Variants in HLA-DRA observed in about 807,000 individuals in gnomAD.
The protein encoded by HLA-DRA is major histocompatibility complex, class II, DR alpha, also known as HLA class II histocompatibility antigen, DR alpha chain.
HLA-DRA carries 8 observed loss-of-function variants against 22.1 expected under a neutral mutation model. The ratio of observed to expected loss-of-function variants is 0.36; its 90% CI spans 0.21 to 0.65. The LOEUF (loss-of-function observed/expected upper bound fraction) is 0.65. Ranked by LOEUF, HLA-DRA falls within the 30% of genes least tolerant of loss-of-function variation. The pLI, the probability that HLA-DRA is intolerant of heterozygous loss-of-function variation, is 0.63. For missense variants in HLA-DRA, 248 were observed against 321.3 expected, an observed-to-expected ratio of 0.77 and a Z score of 1.74; for synonymous variants, 101 against 117.1, an observed-to-expected ratio of 0.86 and a Z score of 0.89.
chr6:32,442,772 T>G, intron 2 of HLA-DRA, 79 bp downstream of exon 2: 1 of 1,542,938 alleles, frequency 6.5e-7, no homozygotes, highest in Non-Finnish European at 8.8e-7. Context: ...TGTGTTAGAT[T>G]ATTGTAACTG....
chr6:32,442,589 G>A lies in HLA-DRA; in HGVS notation c.224G>A (p.Arg75Gln), dbSNP rs1762688265. 6.2e-6 allele frequency: 10 copies of A among 1,612,938 alleles called. No individual in the cohort carries two copies. Among genetic ancestry groups the A allele is most frequent in the African/African-American group, 1.3e-5 (1 of 74,908 alleles). The change falls in exon 2 of 5, where the codon CGA (arginine) becomes CAA (glutamine). Residue 75 changes from arginine (R) to glutamine (Q), a missense_variant. Physicochemically the swap from Arg to Gln is conservative, Grantham distance 43. Transcript: ENST00000395388. ...ETVWRLEEFG[R>Q]FASFEAQGAL... is the part of the protein sequence containing the mutation. ...GTCTGGCGGCTTGAAGAATTTGGAC[G>A]ATTTGCCAGCTTTGAGGCTCAAGGT...
rs1369622761 is a variant in HLA-DRA, at chr6:32,443,904, T to C, written c.759T>C (p.Pro253=). The change falls in exon 4 of 5, where the codon CCT becomes CCC. Residue 253 remains proline, a synonymous_variant. Coordinates refer to ENST00000395388, the MANE Select transcript of HLA-DRA (RefSeq NM_019111.5). ...RKSNAAERRG[P]L is the part of the protein sequence containing the mutation. ...GCAATGCAGCAGAACGCAGGGGGCC[T>C]CTGTAAGGCACATGGAGGTGAGTTA... is the stretch of plus-strand genomic sequence containing the variant. The C allele has an allele frequency of 6.3e-7, 1 of 1,595,132 alleles. No homozygotes were observed. Among genetic ancestry groups the C allele is most frequent in the South Asian group, 1.1e-5 (1 of 86,960 alleles).
chr6:32,443,940 G>A lies in HLA-DRA; in HGVS notation c.*11+19G>A. ...CATGGAGGTGAGTTAGGTGTGGTCA[G>A]AGGAAGACGTATATGGAGATATCTG... On this transcript the variant is annotated intron_variant, in intron 4 of 4. Transcript: ENST00000395388. The A allele has an allele frequency of 6.5e-7, 1 of 1,537,818 alleles. No homozygotes were observed. Among genetic ancestry groups the A allele is most frequent in the Non-Finnish European group, 8.7e-7 (1 of 1,143,334 alleles).
rs1762770718 is a variant in HLA-DRA at position 32,443,818 on chromosome 6, A to C, written c.673A>C (p.Thr225Pro). ...TENVVCALGL[T>P]VGLVGIIIGT... The stretch of plus-strand genomic sequence containing the variant: ...GAACGTGGTGTGTGCCCTGGGCCTG[A>C]CTGTGGGTCTGGTGGGCATCATTAT... The change falls in exon 4 of 5, where the codon ACT becomes CCT. Residue 225 changes from threonine (T) to proline (P), a missense_variant. Thr to Pro is a conservative substitution (Grantham distance 38, BLOSUM62 -1). Coordinates refer to ENST00000395388, the MANE Select transcript of HLA-DRA (RefSeq NM_019111.5). The C allele has an allele frequency of 6.2e-7, 1 of 1,612,110 alleles. No individual in the cohort carries two copies. The highest frequency in any genetic ancestry group is 1.3e-5 in the African/African-American group (1 of 74,862).
At position 32,444,863 on chromosome 6, in the gene HLA-DRA, C is replaced by T. The variant is rs1276625760; in HGVS notation, c.*223C>T. ...CCCTGTCTATTGCCTTTTCCTGTAT[C>T]TATTTTCCTCTATTTCCTATCATTT... On this transcript the variant is annotated 3_prime_UTR_variant, in exon 5 of 5. Transcript: ENST00000395388. The T allele has an allele frequency of 6.5e-6, 1 of 154,334 alleles. No individual in the cohort carries two copies. Among genetic ancestry groups the T allele is most frequent in the African/African-American group, 2.4e-5 (1 of 41,496 alleles). The allele number at this position is 154,334 out of a possible 1,614,324, so 9.6% of individuals were successfully genotyped here.
At chr6:32,444,049 G>A in intron 4 of HLA-DRA, 128 bp downstream of exon 4, 1 of 632,516 alleles carries the variant, frequency 1.6e-6, no homozygotes, top group East Asian at 3.3e-5. Flanking sequence ...ATTTCTCTTT[G>A]CTAGAACGAA....
Position 32,439,910 on chromosome 6 carries a change from C to G in HLA-DRA, c.-41C>G, listed in dbSNP as rs781626637. Reference sequence around the variant, plus strand: ...TTATTCTTGTCTGTTCTGCCTCACTCCCGAGCTCTACTGACTCCCAACAGA... The same window carrying G: ...TTATTCTTGTCTGTTCTGCCTCACTGCCGAGCTCTACTGACTCCCAACAGA... On this transcript the variant is annotated 5_prime_UTR_variant, in exon 1 of 5. Coordinates refer to ENST00000395388, the MANE Select transcript of HLA-DRA (RefSeq NM_019111.5). 1.3e-6 allele frequency: 2 copies of G among 1,511,398 alleles called. No homozygotes were observed. The highest frequency in any genetic ancestry group is 1.8e-6 in the Non-Finnish European group (2 of 1,086,304). The allele number at this position is 1,511,398 out of a possible 1,614,324, so 93.6% of individuals were successfully genotyped here.
At chr6:32,444,475 T>G (rs940943197) in intron 4 of HLA-DRA, among the ~76,000 whole-genome samples, 177 bp from the exon 5 acceptor site, 1 of 134,014 alleles carries the variant, frequency 7.5e-6, no homozygotes, top group African/African-American at 2.8e-5. Context: ...AAAGCATGGT[T>G]GCTTATTATG....
Position 32,443,830 on chromosome 6 carries a change from G to C in HLA-DRA, c.685G>C (p.Val229Leu). Residue 229 changes from valine to leucine, a missense_variant, in exon 4 of 5, where the codon GTG becomes CTG. Physicochemically the swap from Val to Leu is conservative, Grantham distance 32. Coordinates refer to ENST00000395388, the MANE Select transcript of HLA-DRA (RefSeq NM_019111.5). ...TGCCCTGGGCCTGACTGTGGGTCTGGTGGGCATCATTATTGGGACCATCTT... is the reference window on the plus strand; with the variant it reads ...TGCCCTGGGCCTGACTGTGGGTCTGCTGGGCATCATTATTGGGACCATCTT... ...VCALGLTVGL[V>L]GIIIGTIFII... 6.2e-7 allele frequency: 1 copy of C among 1,612,416 alleles called. No homozygotes were observed. Among genetic ancestry groups the C allele is most frequent in the South Asian group, 1.1e-5 (1 of 90,926 alleles).
At position 32,443,422 on chromosome 6, in the gene HLA-DRA, G is replaced by A. The variant is rs1247326194; in HGVS notation, c.566G>A (p.Arg189Lys). The A allele has an allele frequency of 6.2e-7, 1 of 1,613,044 alleles. No individual in the cohort carries two copies. The highest frequency in any genetic ancestry group is 1.1e-5 in the South Asian group (1 of 91,078). Residue 189 changes from arginine (R) to lysine (K), a missense_variant, in exon 3 of 5, where the codon AGG (arginine) becomes AAG (lysine). By Grantham distance (26) the Arg-to-Lys change is conservative. Transcript: ENST00000395388. Reference protein sequence around the residue: ...LPSTEDVYDCRVEHWGLDEPL... With the variant: ...LPSTEDVYDCKVEHWGLDEPL... The stretch of plus-strand genomic sequence containing the variant: ...TCAACTGAGGACGTTTACGACTGCA[G>A]GGTGGAGCACTGGGGCTTGGATGAG...
chr6:32,444,298 C>T (rs188726318), intron 4 of HLA-DRA, among the ~76,000 whole-genome samples: 1 of 152,198 alleles, frequency 6.6e-6, no homozygotes, highest in East Asian at 1.9e-4. Context: ...TGGGCACATC[C>T]TAGCTTGTAT....
intron 1 of HLA-DRA, among the ~76,000 whole-genome samples, chr6:32,441,352 G>A (rs975641985): frequency 4.6e-5 from 7 of 152,158 alleles, no homozygotes; most frequent in South Asian, 2.1e-4. Context: ...GCAAGACTCC[G>A]TCTCAAACAA....
rs1404407873 is a variant in HLA-DRA, at chr6:32,443,092, G to A, written c.329-93G>A. 4 of 1,143,126 alleles carry A rather than the reference G, an allele frequency of 3.5e-6. No individual in the cohort carries two copies. The South Asian group carries it at 4.4e-5, about 12-fold the overall frequency. 70.8% of individuals were successfully genotyped at this position (1,143,126 alleles called of 1,614,324 possible). ...TACTTTTTCAGCTTTAGGGTTTTTAGATACGTTTGTACCACAATTGAGCAT... is the reference window on the plus strand; with the variant it reads ...TACTTTTTCAGCTTTAGGGTTTTTAAATACGTTTGTACCACAATTGAGCAT... On this transcript the variant is annotated intron_variant, in intron 2 of 4. Transcript: ENST00000395388.
At position 32,443,395 on chromosome 6, in the gene HLA-DRA, C is replaced by T. The variant is rs1345248029; in HGVS notation, c.539C>T (p.Pro180Leu). Residue 180 changes from proline to leucine, a missense_variant, in exon 3 of 5, where the codon CCC (proline) becomes CTC (leucine). Physicochemically the swap from Pro to Leu is moderately conservative, Grantham distance 98. Transcript: ENST00000395388. Reference sequence around the variant, plus strand: ...AAGTTCCACTATCTCCCCTTCCTGCCCTCAACTGAGGACGTTTACGACTGC... The same window carrying T: ...AAGTTCCACTATCTCCCCTTCCTGCTCTCAACTGAGGACGTTTACGACTGC... Reference protein sequence around the residue: ...FRKFHYLPFLPSTEDVYDCRV... With the variant: ...FRKFHYLPFLLSTEDVYDCRV... 2.5e-6 allele frequency: 4 copies of T among 1,612,870 alleles called. No homozygotes were observed. Among genetic ancestry groups the T allele is most frequent in the African/African-American group, 2.7e-5 (2 of 74,914 alleles).
Position 32,441,340 on chromosome 6 carries a change from G to C in HLA-DRA, c.83-1108G>C, listed in dbSNP as rs138177461. 8.5e-5 allele frequency among the ~76,000 whole-genome samples: 13 copies of C among 152,246 alleles called. No individual in the cohort carries two copies. In the East Asian group the frequency reaches 2.5e-3, roughly 29 times the overall value. ...GCCACTGCACTCCAGCCTGGCGATA[G>C]AGCAAGACTCCGTCTCAAACAACCA... is the stretch of plus-strand genomic sequence containing the variant. On this transcript the variant is annotated intron_variant, in intron 1 of 4. Coordinates refer to ENST00000395388, the MANE Select transcript of HLA-DRA (RefSeq NM_019111.5).
Position 32,443,898 on chromosome 6 carries a change from GGGGC to G in HLA-DRA, c.754_757del (p.Gly252LeufsTer12). ...GCAAAAGCAATGCAGCAGAACGCAGGGGGCCTCTGTAAGGCACATGGAGGTGAGT... is the reference window on the plus strand; with the variant it reads ...GCAAAAGCAATGCAGCAGAACGCAGGCTCTGTAAGGCACATGGAGGTGAGT... On this transcript the variant is annotated frameshift_variant, in exon 4 of 5. Transcript: ENST00000395388. LOFTEE classifies it high-confidence loss of function. 1 of 1,600,702 alleles carries G rather than the reference GGGGC, an allele frequency of 6.2e-7. No homozygotes were observed. The highest frequency in any genetic ancestry group is 8.5e-7 in the Non-Finnish European group (1 of 1,174,290).
chr6:32,440,130 A>AGT (rs1232286059), intron 1 of HLA-DRA, 98 bp downstream of exon 1: 17 of 1,031,988 alleles, frequency 1.6e-5, no homozygotes, highest in Non-Finnish European at 2.6e-5. Context: ...GTGAAAGAAT[A>AGT]GTGTGACAGG....
At position 32,443,926 on chromosome 6, in the gene HLA-DRA, G is replaced by T. The variant is rs879058172; in HGVS notation, c.*11+5G>T. The T allele has an allele frequency of 1.3e-6, 2 of 1,568,766 alleles. No homozygotes were observed. The highest frequency in any genetic ancestry group is 2.7e-5 in the African/African-American group (2 of 73,628). ...GCCTCTGTAAGGCACATGGAGGTGA[G>T]TTAGGTGTGGTCAGAGGAAGACGTA... On this transcript the variant is annotated splice_donor_5th_base_variant and intron_variant, in intron 4 of 4. Coordinates refer to ENST00000395388, the MANE Select transcript of HLA-DRA (RefSeq NM_019111.5).
At position 32,443,395 on chromosome 6, in the gene HLA-DRA, C is replaced by A; in HGVS notation, c.539C>A (p.Pro180His). The A allele has an allele frequency of 6.2e-7, 1 of 1,612,988 alleles. No homozygotes were observed. Among genetic ancestry groups the A allele is most frequent in the Non-Finnish European group, 8.5e-7 (1 of 1,179,946 alleles). The change falls in exon 3 of 5, where the codon CCC becomes CAC. Residue 180 changes from proline (P) to histidine (H), a missense_variant. Physicochemically the swap from Pro to His is moderately conservative, Grantham distance 77. Coordinates refer to ENST00000395388, the MANE Select transcript of HLA-DRA (RefSeq NM_019111.5). ...FRKFHYLPFL[P>H]STEDVYDCRV... ...AAGTTCCACTATCTCCCCTTCCTGCCCTCAACTGAGGACGTTTACGACTGC... is the reference window on the plus strand; with the variant it reads ...AAGTTCCACTATCTCCCCTTCCTGCACTCAACTGAGGACGTTTACGACTGC...
Sources: gnomAD v4.1 joint callset for allele counts (sites outside exome capture counted in the v4.1 genomes callset) on GRCh38, gnomAD v4.1.1 for gene constraint, MANE v1.5 for transcripts, NCBI Gene and HGNC (gene_info 2026-07-23, HGNC 2026-07-21) for gene names.